PACRG: variants seen among roughly 807,000 people sequenced by gnomAD.
The protein encoded by PACRG is parkin coregulated gene protein.
Under a neutral mutation model 29.7 loss-of-function variants are expected in PACRG, and 29 were observed. That is an observed-to-expected ratio of 0.98 (90% CI 0.73 to 1.33). The LOEUF is 1.33. PACRG is among the 40% of genes most tolerant of loss of function. The pLI is 0.00. For synonymous variants in PACRG, 116 were observed against 118.7 expected, an observed-to-expected ratio of 0.98 and a Z score of 0.15; for missense variants, 279 against 316.2, an observed-to-expected ratio of 0.88 and a Z score of 0.89.
chr6:162,968,786 C>T (rs1294004786), intron 2 of PACRG, among the ~76,000 whole-genome samples: 3 of 152,124 alleles, frequency 2.0e-5, no homozygotes, highest in African/African-American at 7.2e-5. Context: ...CGGTGGGTCA[C>T]GCCTGTAATC....
chr6:162,940,432 G>C (rs1223722622), intron 2 of PACRG, among the ~76,000 whole-genome samples: 1 of 151,616 alleles, frequency 6.6e-6, no homozygotes, highest in African/African-American at 2.4e-5. Flanking sequence ...ATCTCTCTCT[G>C]TCTGTCTGTC....
At chr6:163,083,174 A>G (rs1006125404) in intron 3 of PACRG, among the ~76,000 whole-genome samples, 1 of 152,238 alleles carries the variant, frequency 6.6e-6, no homozygotes, top group East Asian at 1.9e-4. Context: ...TGGGCCCCCA[A>G]AATCACTCAG....
chr6:162,879,143 A>G (rs1032404108), intron 2 of PACRG, among the ~76,000 whole-genome samples: 2 of 152,198 alleles, frequency 1.3e-5, no homozygotes, highest in African/African-American at 4.8e-5. Flanking sequence ...CTATCAAATC[A>G]CAAGAACAAT....
At chr6:162,837,134 T>C (rs1314321337) in intron 2 of PACRG, among the ~76,000 whole-genome samples, 2 of 152,034 alleles carry the variant, frequency 1.3e-5, no homozygotes, top group Non-Finnish European at 2.9e-5. Context: ...GGAAGCTGGA[T>C]TGTGAGGGGC....
intron 4 of PACRG, among the ~76,000 whole-genome samples, chr6:163,311,471 A>G (rs1457306800): frequency 6.6e-6 from 1 of 152,168 alleles, no homozygotes; most frequent in African/African-American, 2.4e-5. Context: ...TGTCGCATGT[A>G]TTTAAAATGG....
intron 2 of PACRG, among the ~76,000 whole-genome samples, chr6:162,940,881 C>T (rs1010015681): frequency 3.9e-5 from 6 of 152,158 alleles, no homozygotes; most frequent in African/African-American, 1.4e-4. Flanking sequence ...CTATCAGAAA[C>T]TACAGCACAG....
chr6:163,256,920 A>G lies in PACRG; in HGVS notation c.614-57907A>G, dbSNP rs115872029. Among the ~76,000 whole-genome samples, 1,093 of 152,312 alleles carry G rather than the reference A, an allele frequency of 7.2e-3. 13 individuals carry two copies. The highest frequency in any genetic ancestry group is 0.026 in the African/African-American group (1,061 of 41,554). On this transcript the variant is annotated intron_variant, in intron 4 of 4. Transcript: ENST00000366888. Reference sequence around the variant, plus strand: ...CCTTCGAGAGGCTCTGAGGGAGACTAAAGGCAGGGGGAACCCTGGATCCTG... The same window carrying G: ...CCTTCGAGAGGCTCTGAGGGAGACTGAAGGCAGGGGGAACCCTGGATCCTG...
At chr6:163,193,355 T>C (rs1045746646) in intron 4 of PACRG, among the ~76,000 whole-genome samples, 1 of 152,158 alleles carries the variant, frequency 6.6e-6, no homozygotes. Flanking sequence ...TTTAAATTTG[T>C]TTTTGAGGGC....
intron 2 of PACRG, among the ~76,000 whole-genome samples, chr6:163,017,236 A>C (rs1046018696): frequency 6.6e-6 from 1 of 152,210 alleles, no homozygotes; most frequent in African/African-American, 2.4e-5. Context: ...AAATGTGTAC[A>C]TAGTGATAAA....
chr6:163,046,023 C>G (rs969022215), intron 2 of PACRG, among the ~76,000 whole-genome samples: 3 of 152,046 alleles, frequency 2.0e-5, no homozygotes, highest in Admixed American at 6.5e-5. Flanking sequence ...TCTCTATTTC[C>G]CTTGATGCCT....
intron 2 of PACRG, among the ~76,000 whole-genome samples, chr6:163,003,799 C>G (rs1804792573): frequency 6.6e-6 from 1 of 152,178 alleles, no homozygotes; most frequent in African/African-American, 2.4e-5. Flanking sequence ...ATACATTAGC[C>G]TTAATCCTCT....
chr6:162,963,511 A>G (rs1419323909), intron 2 of PACRG, among the ~76,000 whole-genome samples: 1 of 151,826 alleles, frequency 6.6e-6, no homozygotes, highest in Non-Finnish European at 1.5e-5. Flanking sequence ...ATTTGTGTCT[A>G]TATAAATATC....
chr6:163,143,384 T>C (rs1777634269), intron 4 of PACRG, among the ~76,000 whole-genome samples: 1 of 152,234 alleles, frequency 6.6e-6, no homozygotes, highest in Admixed American at 6.5e-5. Flanking sequence ...AGGTTTTATT[T>C]CACACGTTGT....
intron 3 of PACRG, among the ~76,000 whole-genome samples, chr6:163,073,678 A>C (rs1427461643): frequency 1.3e-5 from 2 of 152,232 alleles, no homozygotes; most frequent in African/African-American, 2.4e-5. Context: ...ATTGCACACT[A>C]TCCATCTGAC....
chr6:162,870,647 C>T (rs1235904929), intron 2 of PACRG, among the ~76,000 whole-genome samples: 3 of 152,188 alleles, frequency 2.0e-5, no homozygotes, highest in Admixed American at 2.0e-4. Flanking sequence ...CATAGCTTAG[C>T]TCCCACTTAT....
At chr6:163,051,840 T>G (rs1810047834) in intron 2 of PACRG, 1 of 152,228 alleles carries the variant, frequency 6.6e-6, no homozygotes, top group East Asian at 1.9e-4. Flanking sequence ...AGCTCAGCTT[T>G]GCATTGGGCA....
chr6:162,948,302 A>G (rs991137556), intron 2 of PACRG, among the ~76,000 whole-genome samples: 1 of 152,004 alleles, frequency 6.6e-6, no homozygotes, highest in Non-Finnish European at 1.5e-5. Context: ...GGGAAAACAC[A>G]CTCCTCATCA....
chr6:162,909,792 C>G (rs573535501), intron 2 of PACRG, among the ~76,000 whole-genome samples: 13 of 152,212 alleles, frequency 8.5e-5, no homozygotes, highest in African/African-American at 2.9e-4. Flanking sequence ...GAATTATCCT[C>G]CATGAATTAT....
At chr6:163,010,619 T>C (rs989969946) in intron 2 of PACRG, among the ~76,000 whole-genome samples, 2 of 152,190 alleles carry the variant, frequency 1.3e-5, no homozygotes, top group East Asian at 3.9e-4. Flanking sequence ...TTTTCAGTCA[T>C]TGTTAGACGA....
Sources: allele counts gnomAD v4.1 joint callset (sites outside exome capture counted in the v4.1 genomes callset), GRCh38; gene constraint gnomAD v4.1.1; transcripts MANE v1.5; gene names NCBI Gene and HGNC (gene_info 2026-07-23, HGNC 2026-07-21).